Variants in THSD7B observed in about 807,000 individuals in gnomAD.
THSD7B encodes thrombospondin type 1 domain containing 7B, also known as thrombospondin type-1 domain-containing protein 7B.
Under a neutral mutation model 213.6 loss-of-function variants are expected in THSD7B, and 138 were observed. That is an observed-to-expected ratio of 0.65 (90% CI 0.56 to 0.74). The LOEUF is 0.74. Ranked by LOEUF, THSD7B falls within the 30% of genes least tolerant of loss-of-function variation. The pLI, the probability that THSD7B is intolerant of heterozygous loss-of-function variation, is 0.00. For synonymous variants in THSD7B, 742 were observed against 687.0 expected (o/e 1.08, Z -1.25); for missense variants, 1,931 against 1,991.5 (o/e 0.97, Z 0.58).
At chr2:136,935,690 T>C (rs1418595755) in intron 2 of THSD7B, among the ~76,000 whole-genome samples, 1 of 151,994 alleles carries the variant, frequency 6.6e-6, no homozygotes, top group Non-Finnish European at 1.5e-5. Context: ...ACTGGTATAA[T>C]TTACTGTTCC....
intron 11 of THSD7B, among the ~76,000 whole-genome samples, chr2:137,273,025 TACACACACACACACACACACACACACAC>T (rs71877881): frequency 7.1e-6 from 1 of 140,970 alleles, no homozygotes; most frequent in Non-Finnish European, 1.6e-5. Flanking sequence ...GGAGAAGGAA[TACACACACACACACACACACACACACAC>T]ACACACACAC....
At chr2:136,778,299 A>G (rs1426507583) in intron 1 of THSD7B, among the ~76,000 whole-genome samples, 3 of 152,298 alleles carry the variant, frequency 2.0e-5, no homozygotes, top group East Asian at 3.9e-4. Context: ...ATTTGCTTCT[A>G]TAGTTTCCTT....
intron 10 of THSD7B, among the ~76,000 whole-genome samples, chr2:137,267,166 A>G (rs1391935295): frequency 6.6e-6 from 1 of 152,192 alleles, no homozygotes; most frequent in African/African-American, 2.4e-5. Flanking sequence ...TCTTCTCTAA[A>G]TGTTATTTCT....
chr2:137,357,985 A>T (rs974515360), intron 12 of THSD7B, among the ~76,000 whole-genome samples: 1 of 152,174 alleles, frequency 6.6e-6, no homozygotes, highest in South Asian at 2.1e-4. Context: ...AGAGCAAAAC[A>T]TTTCTCCATT....
intron 12 of THSD7B, among the ~76,000 whole-genome samples, chr2:137,296,679 G>C (rs956008538): frequency 6.6e-6 from 1 of 152,096 alleles, no homozygotes; most frequent in Non-Finnish European, 1.5e-5. Context: ...CATGTAGTTT[G>C]AGATAAATTG....
intron 4 of THSD7B, among the ~76,000 whole-genome samples, chr2:137,107,208 TA>T (rs1187983925): frequency 6.6e-6 from 1 of 152,072 alleles, no homozygotes; most frequent in East Asian, 1.9e-4. Flanking sequence ...TATGCAGCCA[TA>T]AAAAAGGATG....
intron 1 of THSD7B, among the ~76,000 whole-genome samples, chr2:136,790,253 C>T (rs1681944428): frequency 6.6e-6 from 1 of 151,532 alleles, no homozygotes. Flanking sequence ...TATGTTTCAC[C>T]ACAGGTAATA....
At chr2:137,658,750 T>G (rs1171120051) in intron 24 of THSD7B, among the ~76,000 whole-genome samples, 1 of 152,236 alleles carries the variant, frequency 6.6e-6, no homozygotes, top group Admixed American at 6.5e-5. Context: ...ACAGTGAGAA[T>G]TTAGCTGCTT....
intron 12 of THSD7B, among the ~76,000 whole-genome samples, chr2:137,382,971 A>G (rs2104966480): frequency 6.6e-6 from 1 of 152,324 alleles, no homozygotes. Context: ...AGGTGTGGAT[A>G]TAGTAGCCAA....
At chr2:137,508,862 A>G (rs930343990) in intron 15 of THSD7B, among the ~76,000 whole-genome samples, 1 of 151,996 alleles carries the variant, frequency 6.6e-6, no homozygotes, top group East Asian at 1.9e-4. Flanking sequence ...GTCAGAGGAG[A>G]GACCTGAGCT....
chr2:136,822,168 A>C (rs775863372), intron 1 of THSD7B, among the ~76,000 whole-genome samples: 5 of 152,174 alleles, frequency 3.3e-5, no homozygotes, highest in Non-Finnish European at 1.5e-5. Context: ...TCTCTGAATG[A>C]AGTAGAGACT....
chr2:137,144,761 A>G (rs1161572760), intron 5 of THSD7B, among the ~76,000 whole-genome samples: 1 of 152,070 alleles, frequency 6.6e-6, no homozygotes, highest in Non-Finnish European at 1.5e-5. Context: ...GAAGAACATC[A>G]TCATTGCAGA....
At chr2:137,080,485 A>C (rs1475455800) in intron 3 of THSD7B, among the ~76,000 whole-genome samples, 1 of 149,912 alleles carries the variant, frequency 6.7e-6, no homozygotes, top group East Asian at 2.0e-4. Context: ...AAATGCTGGG[A>C]TTACAGGTGT....
At chr2:137,647,938 T>C (rs1197718191) in intron 21 of THSD7B, among the ~76,000 whole-genome samples, 2 of 152,190 alleles carry the variant, frequency 1.3e-5, no homozygotes, top group African/African-American at 2.4e-5. Context: ...AAGTTTTGCC[T>C]TGGACTCTGT....
chr2:137,622,104 G>A (rs1682531468), intron 20 of THSD7B, among the ~76,000 whole-genome samples: 1 of 152,116 alleles, frequency 6.6e-6, no homozygotes, highest in African/African-American at 2.4e-5. Context: ...CCACCCCATA[G>A]ACCTCATCGT....
At chr2:137,267,092 C>T (rs1222779067) in intron 10 of THSD7B, among the ~76,000 whole-genome samples, 1 of 152,156 alleles carries the variant, frequency 6.6e-6, no homozygotes, top group African/African-American at 2.4e-5. Flanking sequence ...AAACATCTCT[C>T]AATGTTTGTA....
intron 9 of THSD7B, among the ~76,000 whole-genome samples, chr2:137,235,898 G>A (rs962994127): frequency 3.3e-5 from 5 of 152,114 alleles, no homozygotes; most frequent in African/African-American, 1.2e-4. Flanking sequence ...TAACAACCTA[G>A]TTTTAATTCT....
intron 7 of THSD7B, among the ~76,000 whole-genome samples, chr2:137,175,778 A>G (rs1680347495): frequency 6.6e-6 from 1 of 152,146 alleles, no homozygotes; most frequent in Admixed American, 6.6e-5. Flanking sequence ...ATATTCTTTA[A>G]ATGTTTTTAC....
intron 1 of THSD7B, among the ~76,000 whole-genome samples, chr2:136,847,458 T>C (rs1683029624): frequency 1.3e-5 from 2 of 152,194 alleles, no homozygotes; most frequent in Admixed American, 1.3e-4. Context: ...TTCTGTCTCA[T>C]GGAGCAAAGA....
Sources: allele counts gnomAD v4.1 joint callset (sites outside exome capture counted in the v4.1 genomes callset), GRCh38; gene constraint gnomAD v4.1.1; transcripts MANE v1.5; gene names NCBI Gene and HGNC (gene_info 2026-07-23, HGNC 2026-07-21).